PEDS1: variants seen among roughly 807,000 people sequenced by gnomAD.
The protein encoded by PEDS1 is CarF homolog.
In PEDS1, 14 loss-of-function variants were observed where a neutral mutation model predicts 35.2. The observed-to-expected ratio is 0.40, with a 90% CI of 0.26 to 0.62. PEDS1 has a LOEUF of 0.62. PEDS1 is among the 20% of genes least tolerant of loss of function. The pLI is 0.44. For missense variants in PEDS1, 260 were observed against 367.8 expected (o/e 0.71, Z 2.40); for synonymous variants, 152 against 152.0 (o/e 1.00, Z 0.00).
rs569944711 is a variant in PEDS1 at position 50,136,845 on chromosome 20, T to A, written c.242-5898A>T. ...TGAGTCCTGGAGTTCAGTACCAGCC[T>A]GGGCAACACAGCGAAACCCTGTCTG... is the stretch of plus-strand genomic sequence containing the variant. On this transcript the variant is annotated intron_variant, in intron 2 of 5. Coordinates refer to ENST00000371652, the MANE Select transcript of PEDS1 (RefSeq NM_199129.4). Among the ~76,000 whole-genome samples, 26 of 152,030 alleles carry A rather than the reference T, an allele frequency of 1.7e-4. 1 individual carries two copies. In the South Asian group the frequency reaches 5.4e-3, roughly 32 times the overall value.
At chr20:50,133,090 T>A (rs2147279328) in intron 2 of PEDS1, among the ~76,000 whole-genome samples, 1 of 152,090 alleles carries the variant, frequency 6.6e-6, no homozygotes, top group Non-Finnish European at 1.5e-5. Flanking sequence ...GGGACCAGGG[T>A]CTTGGGGGTA....
intron 1 of PEDS1, among the ~76,000 whole-genome samples, chr20:50,151,055 G>A (rs929837024): frequency 6.6e-6 from 1 of 152,222 alleles, no homozygotes; most frequent in Non-Finnish European, 1.5e-5. Context: ...ACATGGACTA[G>A]AACATAGGTG....
At chr20:50,153,462 T>C in intron 1 of PEDS1, 55 bp downstream of exon 1, 1 of 1,272,718 alleles carries the variant, frequency 7.9e-7, no homozygotes, top group South Asian at 2.4e-5. Context: ...CTGGGGTCGC[T>C]GTCCGCAGCC....
At chr20:50,138,026 T>C (rs964175211) in intron 2 of PEDS1, among the ~76,000 whole-genome samples, 1 of 152,172 alleles carries the variant, frequency 6.6e-6, no homozygotes. Flanking sequence ...CTCATGATAA[T>C]GTATCAACAC....
chr20:50,141,881 G>A (rs1305930964), intron 2 of PEDS1, among the ~76,000 whole-genome samples: 2 of 152,168 alleles, frequency 1.3e-5, no homozygotes, highest in African/African-American at 2.4e-5. Context: ...TAGCTGGCCT[G>A]AGCACTATTG....
At chr20:50,141,166 C>A (rs571809091) in intron 2 of PEDS1, among the ~76,000 whole-genome samples, 2 of 152,228 alleles carry the variant, frequency 1.3e-5, no homozygotes, top group South Asian at 2.1e-4. Flanking sequence ...AGGCTATACA[C>A]GCCCTGGTGG....
At chr20:50,130,323 G>C (rs1031730784) in intron 3 of PEDS1, among the ~76,000 whole-genome samples, 1 of 152,220 alleles carries the variant, frequency 6.6e-6, no homozygotes, top group Admixed American at 6.5e-5. Flanking sequence ...TGGAAGGATG[G>C]ATCTCTGGGC....
intron 1 of PEDS1, among the ~76,000 whole-genome samples, chr20:50,147,086 G>A (rs1164532016): frequency 6.6e-6 from 1 of 152,216 alleles, no homozygotes; most frequent in African/African-American, 2.4e-5. Flanking sequence ...GGGACAGGAA[G>A]TGGGCAGAGC....
rs1048533519 is a variant in PEDS1, at chr20:50,129,940, C to T, written c.334-250G>A. Among the ~76,000 whole-genome samples the T allele has an allele frequency of 6.6e-6, 1 of 152,150 alleles. No individual in the cohort carries two copies. The highest frequency in any genetic ancestry group is 6.5e-5 in the Admixed American group (1 of 15,278). On this transcript the variant is annotated intron_variant, in intron 3 of 5. Transcript: ENST00000371652. This position sits in a 1 kb window ranked among gnomAD's most constrained non-coding sequence, Gnocchi z 4.2. ...CTGTCTGCCTCTGGGCCTCAGTCTCCCTACCTGTGCTGTAAGGGGGCTTGG... is the reference window on the plus strand; with the variant it reads ...CTGTCTGCCTCTGGGCCTCAGTCTCTCTACCTGTGCTGTAAGGGGGCTTGG...
At chr20:50,143,418 G>C in intron 2 of PEDS1, 84 bp downstream of exon 2, 1 of 1,539,426 alleles carries the variant, frequency 6.5e-7, no homozygotes, top group Non-Finnish European at 8.8e-7. Context: ...ATCCATGCAT[G>C]TGGACACACA....
rs559355846 is a variant in PEDS1, at chr20:50,137,154, G to A, written c.242-6207C>T. 4.6e-5 allele frequency among the ~76,000 whole-genome samples: 7 copies of A among 152,254 alleles called. No homozygotes were observed. In the South Asian group the frequency reaches 1.0e-3, roughly 23 times the overall value. Reference sequence around the variant, plus strand: ...CATTCACAGCTCACTACAGCCTTGAGCTCCCATGCTCAAGCGACCCTCCCA... The same window carrying A: ...CATTCACAGCTCACTACAGCCTTGAACTCCCATGCTCAAGCGACCCTCCCA... On this transcript the variant is annotated intron_variant, in intron 2 of 5. Coordinates refer to ENST00000371652, the MANE Select transcript of PEDS1 (RefSeq NM_199129.4).
chr20:50,138,234 C>T (rs1348389376), intron 2 of PEDS1, among the ~76,000 whole-genome samples: 2 of 152,122 alleles, frequency 1.3e-5, no homozygotes, highest in Non-Finnish European at 2.9e-5. Flanking sequence ...AGTAACAGGC[C>T]CCACCCCATC....
At chr20:50,135,657 T>TCAAAAAAAAAAAAAAA (rs2081226490) in intron 2 of PEDS1, among the ~76,000 whole-genome samples, 1 of 27,304 alleles carries the variant, frequency 3.7e-5, no homozygotes, top group Non-Finnish European at 6.1e-5. Context: ...AAACTCCATC[T>TCAAAAAAAAAAAAAAA]CAAAAAAAAA....
At chr20:50,135,350 G>A (rs1438195842) in intron 2 of PEDS1, among the ~76,000 whole-genome samples, 4 of 151,644 alleles carry the variant, frequency 2.6e-5, no homozygotes, top group South Asian at 2.1e-4. Context: ...GCCATAGTGT[G>A]CTGACCCCTG....
chr20:50,139,684 T>C lies in PEDS1; in HGVS notation c.241+3818A>G, dbSNP rs866746357. Reference sequence around the variant, plus strand: ...GATGACCCCCGGATTTCTTTCTTTTTTTTTTTTTTTTTCCAGAGGAAGTCT... The same window carrying C: ...GATGACCCCCGGATTTCTTTCTTTTCTTTTTTTTTTTTCCAGAGGAAGTCT... On this transcript the variant is annotated intron_variant, in intron 2 of 5. Coordinates refer to ENST00000371652, the MANE Select transcript of PEDS1 (RefSeq NM_199129.4). 3.8e-4 allele frequency among the ~76,000 whole-genome samples: 57 copies of C among 150,996 alleles called. 1 individual carries two copies. In the Middle Eastern group the frequency reaches 0.014, roughly 36 times the overall value.
At chr20:50,130,128 C>G (rs1239809523) in intron 3 of PEDS1, among the ~76,000 whole-genome samples, 1 of 152,192 alleles carries the variant, frequency 6.6e-6, no homozygotes, top group Admixed American at 6.5e-5. Flanking sequence ...TGAGAAAGAA[C>G]ACGTGACCAG....
rs2081131430 is a variant in PEDS1 at position 50,128,141 on chromosome 20, C to G, written c.525G>C (p.Leu175=). 5 of 1,614,130 alleles carry G rather than the reference C, an allele frequency of 3.1e-6. No homozygotes were observed. Among genetic ancestry groups the G allele is most frequent in the Non-Finnish European group, 4.2e-6 (5 of 1,180,022 alleles). ...GGTTGGTGAAGGTGCCGAAGATGAT[C>G]AGGCAGAAGACGAAGCACTCCCAGG... ...LYPWECFVFC[L]IIFGTFTNQI... is the part of the protein sequence containing the mutation. Residue 175 remains leucine, a synonymous_variant, in exon 5 of 6, where the codon CTG becomes CTC. Transcript: ENST00000371652. This position sits in a 1 kb window ranked among gnomAD's most constrained non-coding sequence, Gnocchi z 5.2.
rs536779787 is a variant in PEDS1 at position 50,124,399 on chromosome 20, G to A, written c.*659C>T. On this transcript the variant is annotated 3_prime_UTR_variant, in exon 6 of 6. Coordinates refer to ENST00000371652, the MANE Select transcript of PEDS1 (RefSeq NM_199129.4). ...TCCAAATGACCAAGATGCTCTGCAG[G>A]GGCTGTGCCCTGTGAAGACATCTTG... 1 of 152,576 alleles carries A rather than the reference G, an allele frequency of 6.6e-6. No homozygotes were observed. The highest frequency in any genetic ancestry group is 1.5e-5 in the Non-Finnish European group (1 of 68,140). 9.5% of individuals were successfully genotyped at this position (152,576 alleles called of 1,614,324 possible).
chr20:50,141,084 C>G (rs537180187), intron 2 of PEDS1, among the ~76,000 whole-genome samples: 7 of 152,314 alleles, frequency 4.6e-5, no homozygotes, highest in African/African-American at 1.7e-4. Flanking sequence ...CAGCACACAC[C>G]TGGGCTCTGA....
Sources: allele counts gnomAD v4.1 joint callset (sites outside exome capture counted in the v4.1 genomes callset), GRCh38; gene constraint gnomAD v4.1.1; non-coding constraint Gnocchi (gnomAD v3.1); transcripts MANE v1.5; gene names NCBI Gene and HGNC (gene_info 2026-07-23, HGNC 2026-07-21).